Variants in FAM78B observed in about 807,000 individuals in gnomAD.
FAM78B encodes protein FAM78B.
FAM78B carries 10 observed loss-of-function variants against 20.0 expected under a neutral mutation model. That is an observed-to-expected ratio of 0.50 (90% CI 0.31 to 0.85). The LOEUF (loss-of-function observed/expected upper bound fraction) is 0.85. Ranked by LOEUF, FAM78B falls within the 40% of genes least tolerant of loss-of-function variation. The probability of loss-of-function intolerance (pLI) is 0.05; values close to 1 mark genes in which losing one functional copy is unlikely to be tolerated. For missense variants in FAM78B, 283 were observed against 345.0 expected, an observed-to-expected ratio of 0.82 and a Z score of 1.42; for synonymous variants, 135 against 132.8, an observed-to-expected ratio of 1.02 and a Z score of -0.12.
At chr1:166,106,078 C>T (rs1010148436) in intron 1 of FAM78B, among the ~76,000 whole-genome samples, 9 of 150,880 alleles carry the variant, frequency 6.0e-5, no homozygotes, top group African/African-American at 1.7e-4. Flanking sequence ...AAGATGGAAA[C>T]CATCATTCTC....
chr1:166,093,820 T>C (rs987250568), intron 1 of FAM78B, among the ~76,000 whole-genome samples: 3 of 151,814 alleles, frequency 2.0e-5, no homozygotes, highest in Non-Finnish European at 2.9e-5. Flanking sequence ...AAGGCAAGCA[T>C]TGATTTTCTT....
chr1:166,064,576 A>C (rs1651730825), downstream of FAM78B, among the ~76,000 whole-genome samples: 2 of 152,056 alleles, frequency 1.3e-5, no homozygotes, highest in African/African-American at 2.4e-5. Context: ...CTTGACCACC[A>C]GGTTTCACGC....
intron 1 of FAM78B, among the ~76,000 whole-genome samples, chr1:166,156,507 T>C (rs1655901738): frequency 6.6e-6 from 1 of 152,196 alleles, no homozygotes; most frequent in Admixed American, 6.5e-5. Flanking sequence ...CTACCAGTGC[T>C]TGCCAGGATG....
intron 1 of FAM78B, among the ~76,000 whole-genome samples, chr1:166,101,059 G>A (rs112348209): frequency 0.014 from 2,087 of 152,284 alleles, 49 homozygotes; most frequent in African/African-American, 0.048. Flanking sequence ...TGCAGCCTCC[G>A]CTGCTGATAC....
In FAM78B at chr1:166,166,294, G is replaced by T; in HGVS notation, c.-46C>A. Reference sequence around the variant, plus strand: ...CGGCGCGGCGTGGGGCAGCGCGGGGGCCCGCGCGGGCAGCCGGGGGCGCCC... The same window carrying T: ...CGGCGCGGCGTGGGGCAGCGCGGGGTCCCGCGCGGGCAGCCGGGGGCGCCC... On this transcript the variant is annotated 5_prime_UTR_variant, in exon 1 of 2. Coordinates refer to ENST00000354422, the MANE Select transcript of FAM78B (RefSeq NM_001017961.5). 8.4e-7 allele frequency: 1 copy of T among 1,195,292 alleles called. No homozygotes were observed. The highest frequency in any genetic ancestry group is 1.0e-6 in the Non-Finnish European group (1 of 963,908). 74.0% of individuals were successfully genotyped at this position (1,195,292 alleles called of 1,614,324 possible).
chr1:166,119,126 A>G (rs1474456473), intron 1 of FAM78B, among the ~76,000 whole-genome samples: 2 of 152,156 alleles, frequency 1.3e-5, no homozygotes, highest in African/African-American at 4.8e-5. Flanking sequence ...AGCTTTGAAG[A>G]CAAGAACTCA....
chr1:166,124,259 T>C (rs1171920632), intron 1 of FAM78B, among the ~76,000 whole-genome samples: 1 of 152,180 alleles, frequency 6.6e-6, no homozygotes, highest in East Asian at 1.9e-4. Context: ...CACAGTTGCT[T>C]CTCCCCAGAA....
downstream of FAM78B, among the ~76,000 whole-genome samples, chr1:166,066,742 C>T (rs566263515): frequency 6.6e-6 from 1 of 150,492 alleles, no homozygotes; most frequent in African/African-American, 2.4e-5. Flanking sequence ...CTGCTTAGTA[C>T]ATGCTTTTGA....
At chr1:166,060,410 C>A in exon 3 of FAM78B, 1 of 390,166 alleles carries the variant, frequency 2.6e-6, no homozygotes, top group Admixed American at 2.9e-5. Context: ...CACTTTAACA[C>A]AGCTCCCCAT....
chr1:166,123,851 T>C (rs974840858), intron 1 of FAM78B, among the ~76,000 whole-genome samples: 2 of 152,208 alleles, frequency 1.3e-5, no homozygotes, highest in East Asian at 1.9e-4. Flanking sequence ...GCAAAAATCC[T>C]GGGCAAACAT....
At chr1:166,065,796 G>C (rs1478111793), downstream of FAM78B, among the ~76,000 whole-genome samples, 8 of 152,226 alleles carry the variant, frequency 5.3e-5, no homozygotes, top group African/African-American at 1.7e-4. Context: ...AAAAATATCT[G>C]TGTGCACAGA....
Position 166,109,838 on chromosome 1 carries a change from A to ATG in FAM78B, c.264-39077_264-39076dup, listed in dbSNP as rs201240807. On this transcript the variant is annotated intron_variant, in intron 1 of 1. Coordinates refer to ENST00000354422, the MANE Select transcript of FAM78B (RefSeq NM_001017961.5). ...TGTATATATATATATATATGTATAT[A>ATG]TGTATATATATATATATATATATGT... 1.2e-3 allele frequency among the ~76,000 whole-genome samples: 25 copies of ATG among 21,186 alleles called. 3 individuals carry two copies. Among genetic ancestry groups the ATG allele is most frequent in the African/African-American group, 3.8e-3 (23 of 5,986 alleles). The allele number at this position is 21,186 out of a possible 152,430, so 13.9% of individuals were successfully genotyped here. A position where few individuals can be genotyped will look rare whatever the true frequency, so the allele number is the denominator to read the frequency against.
intron 1 of FAM78B, among the ~76,000 whole-genome samples, chr1:166,095,311 G>C (rs2101741557): frequency 6.6e-6 from 1 of 152,218 alleles, no homozygotes; most frequent in South Asian, 2.1e-4. Flanking sequence ...GGTGGCAGCA[G>C]AAGAGTGCAA....
intron 1 of FAM78B, among the ~76,000 whole-genome samples, chr1:166,115,606 G>A (rs1654224339): frequency 6.6e-6 from 1 of 152,206 alleles, no homozygotes; most frequent in African/African-American, 2.4e-5. Context: ...AGAAAAACAT[G>A]TCATGATCCC....
chr1:166,078,224 G>A (rs1652414297), intron 1 of FAM78B, among the ~76,000 whole-genome samples: 1 of 151,686 alleles, frequency 6.6e-6, no homozygotes, highest in Non-Finnish European at 1.5e-5. Context: ...TAGAGACAGG[G>A]TTTCACCATG....
At chr1:166,104,239 C>T (rs1337726396) in intron 1 of FAM78B, among the ~76,000 whole-genome samples, 1 of 152,154 alleles carries the variant, frequency 6.6e-6, no homozygotes, top group Non-Finnish European at 1.5e-5. Flanking sequence ...AAACCCACAG[C>T]CAATATCATA....
intron 1 of FAM78B, among the ~76,000 whole-genome samples, chr1:166,101,254 GA>G (rs1160551676): frequency 6.6e-6 from 1 of 152,190 alleles, no homozygotes; most frequent in Non-Finnish European, 1.5e-5. Flanking sequence ...AAACAGAGCA[GA>G]AAAACTGAAA....
intron 1 of FAM78B, among the ~76,000 whole-genome samples, chr1:166,148,629 G>T (rs1214729818): frequency 6.6e-6 from 1 of 152,250 alleles, no homozygotes; most frequent in Non-Finnish European, 1.5e-5. Flanking sequence ...CCCAATGGCA[G>T]GCGGGCAGCT....
chr1:166,112,345 T>A (rs1470525335), intron 1 of FAM78B, among the ~76,000 whole-genome samples: 1 of 152,208 alleles, frequency 6.6e-6, no homozygotes, highest in Non-Finnish European at 1.5e-5. Context: ...TCATTTCTTG[T>A]GATCTTCACC....
Sources: allele counts gnomAD v4.1 joint callset (sites outside exome capture counted in the v4.1 genomes callset), GRCh38; gene constraint gnomAD v4.1.1; transcripts MANE v1.5; gene names NCBI Gene and HGNC (gene_info 2026-07-23, HGNC 2026-07-21).